The following BAIAP2 variants were observed in gnomAD, a reference collection of about 807,000 sequenced individuals.
BAIAP2 encodes BAR/IMD domain-containing adapter protein 2.
A neutral mutation model predicts 63.0 loss-of-function variants in BAIAP2; 18 were observed. That is an observed-to-expected ratio of 0.29 (90% CI 0.20 to 0.42). BAIAP2 has a LOEUF of 0.42. Among genes scored for constraint, BAIAP2 ranks in the 10% least tolerant of loss-of-function variants. BAIAP2 has a pLI of 1.00. For synonymous variants in BAIAP2, 386 were observed against 307.6 expected (o/e 1.25, Z -2.67); for missense variants, 610 against 734.3 (o/e 0.83, Z 1.96).
At chr17:81,055,168 C>T (rs889865948) in intron 2 of BAIAP2, among the ~76,000 whole-genome samples, 3 of 152,170 alleles carry the variant, frequency 2.0e-5, no homozygotes, top group Admixed American at 6.5e-5. Context: ...GTGTCAAGGA[C>T]GGGGCAGGAG....
intron 3 of BAIAP2, among the ~76,000 whole-genome samples, chr17:81,072,080 A>G (rs907399314): frequency 6.6e-5 from 10 of 152,016 alleles, no homozygotes; most frequent in African/African-American, 2.4e-4. Context: ...GCGCCCACGT[A>G]GGGCTGGGGT....
chr17:81,037,904 C>T (rs1201040879), intron 1 of BAIAP2, among the ~76,000 whole-genome samples: 1 of 152,260 alleles, frequency 6.6e-6, no homozygotes, highest in African/African-American at 2.4e-5. Flanking sequence ...CCGTAAGAAT[C>T]CGTAACGCAG....
chr17:81,074,801 G>C (rs2053384199), intron 3 of BAIAP2, among the ~76,000 whole-genome samples: 1 of 152,268 alleles, frequency 6.6e-6, no homozygotes, highest in Non-Finnish European at 1.5e-5. Flanking sequence ...TGCATGTACG[G>C]ATGCGTGTGA....
rs376540260 is a variant in BAIAP2, at chr17:81,109,704, C to T, written c.1535+1195C>T. The stretch of plus-strand genomic sequence containing the variant: ...CGGGCCAGGTGTACATAGAGCAGCG[C>T]GGCACAGTGGCCTCACCTCCCGTCG... On this transcript the variant is annotated intron_variant, in intron 13 of 13. Coordinates refer to ENST00000428708, the MANE Select transcript of BAIAP2 (RefSeq NM_001144888.2). The T allele has an allele frequency of 2.8e-3, 2,789 of 985,364 alleles. 20 individuals carry two copies. The South Asian group carries it at 0.034, about 12-fold the overall frequency. 61.0% of individuals were successfully genotyped at this position (985,364 alleles called of 1,614,324 possible).
chr17:81,085,495 G>T (rs1426812158), intron 4 of BAIAP2, 159 bp from the exon 5 acceptor site: 1 of 708,520 alleles, frequency 1.4e-6, no homozygotes, highest in Admixed American at 2.0e-5. Context: ...GTGCACACGG[G>T]CATGCGGGGC....
At chr17:81,092,077 C>T (rs1423164110) in intron 6 of BAIAP2, among the ~76,000 whole-genome samples, 5 of 152,240 alleles carry the variant, frequency 3.3e-5, no homozygotes, top group African/African-American at 1.2e-4. Flanking sequence ...CATGCTGTGT[C>T]ATTGTCAGAT....
In BAIAP2 at chr17:81,104,238, A is replaced by C. The variant is rs1285952574; in HGVS notation, c.1066+130A>C. ...CACAATTATGTGACCGTGTGTACCT[A>C]CATGCATGTGGTACACACACGTGTG... On this transcript the variant is annotated intron_variant, in intron 9 of 13. Transcript: ENST00000428708. 44 of 1,044,226 alleles carry C rather than the reference A, an allele frequency of 4.2e-5. 2 individuals are homozygous for C. The Middle Eastern group carries it at 9.4e-4, about 22-fold the overall frequency. The allele number at this position is 1,044,226 out of a possible 1,614,324, so 64.7% of individuals were successfully genotyped here. A position where few individuals can be genotyped will look rare whatever the true frequency, so the allele number is the denominator to read the frequency against.
At chr17:81,105,104 CCCCCCAGTGGCAGGGGTCTG>C (rs1568182028) in intron 10 of BAIAP2, 3 of 110,392 alleles carry the variant, frequency 2.7e-5, no homozygotes, top group African/African-American at 1.1e-4. Context: ...GCAGGGGTCT[CCCCCCAGTGGCAGGGGTCTG>C]CCCCATGGCA....
intron 3 of BAIAP2, among the ~76,000 whole-genome samples, chr17:81,062,011 C>A (rs369760557): frequency 6.6e-6 from 1 of 152,140 alleles, no homozygotes; most frequent in Non-Finnish European, 1.5e-5. Flanking sequence ...GGTGCAATCT[C>A]GGCTCACTGC....
chr17:81,093,091 GGGCTGGGCTGGGCT>G (rs1217662086), intron 6 of BAIAP2, among the ~76,000 whole-genome samples: 1 of 49,836 alleles, frequency 2.0e-5, no homozygotes, highest in Non-Finnish European at 4.9e-5. Flanking sequence ...GGGCTGGGCT[GGGCTGGGCTGGGCT>G]GGGCTGGGCT....
rs1048932555 is a variant in BAIAP2 at position 81,036,437 on chromosome 17, A to AG, written c.54+1131dup. On this transcript the variant is annotated intron_variant, in intron 1 of 13. Transcript: ENST00000428708. The stretch of plus-strand genomic sequence containing the variant: ...TGTTTCTGATTGTGGTAGGCGGCCA[A>AG]GGCGTGCCTGGCCAGGGGCCTGGGA... Among the ~76,000 whole-genome samples the AG allele has an allele frequency of 9.8e-5, 15 of 152,360 alleles. No individual in the cohort carries two copies. The South Asian group carries it at 2.5e-3, about 25-fold the overall frequency.
chr17:81,039,336 C>T (rs2046768422), intron 1 of BAIAP2, among the ~76,000 whole-genome samples: 1 of 152,378 alleles, frequency 6.6e-6, no homozygotes, highest in Admixed American at 6.5e-5. Context: ...AACCCTTCTG[C>T]TGGTGCTTGC....
At chr17:81,103,396 C>T (rs2058745869) in intron 7 of BAIAP2, 106 bp from the exon 8 acceptor site, 3 of 1,078,728 alleles carry the variant, frequency 2.8e-6, no homozygotes, top group Non-Finnish European at 4.0e-6. Flanking sequence ...TGGTGAAGAG[C>T]AGCCTCCAGC....
chr17:81,114,676 C>A (rs1418181954), intron 13 of BAIAP2, among the ~76,000 whole-genome samples: 1 of 152,226 alleles, frequency 6.6e-6, no homozygotes, highest in Non-Finnish European at 1.5e-5. Context: ...TCTTAGAAAA[C>A]ACAAAGTCCT....
intron 6 of BAIAP2, chr17:81,097,844 C>T (rs1027495005): frequency 3.0e-6 from 1 of 334,562 alleles, no homozygotes; most frequent in Non-Finnish European, 5.4e-6. Context: ...GGGTCTGTGC[C>T]TCGGGTGCTC....
intron 3 of BAIAP2, among the ~76,000 whole-genome samples, chr17:81,072,005 C>A (rs2052764455): frequency 6.6e-6 from 1 of 152,252 alleles, no homozygotes; most frequent in Non-Finnish European, 1.5e-5. Flanking sequence ...CTTCCGGCCT[C>A]CCCGGCCTTC....
chr17:81,047,115 G>C (rs527957453), intron 1 of BAIAP2, among the ~76,000 whole-genome samples: 4 of 152,356 alleles, frequency 2.6e-5, no homozygotes, highest in Admixed American at 1.3e-4. Flanking sequence ...GCCCTCCTGG[G>C]AGAGGCCAGG....
intron 3 of BAIAP2, among the ~76,000 whole-genome samples, chr17:81,073,804 G>T (rs961290050): frequency 2.0e-5 from 3 of 152,200 alleles, no homozygotes; most frequent in African/African-American, 4.8e-5. Context: ...CGAAGTGTGA[G>T]GGGCTCTTCT....
chr17:81,057,603 G>T, intron 2 of BAIAP2: 1 of 1,168,802 alleles, frequency 8.6e-7, no homozygotes, highest in Non-Finnish European at 1.1e-6. Context: ...ACGTGATAGG[G>T]ATCAGCTCTC....
Sources: gnomAD v4.1 joint callset for allele counts (sites outside exome capture counted in the v4.1 genomes callset) on GRCh38, gnomAD v4.1.1 for gene constraint, MANE v1.5 for transcripts, NCBI Gene and HGNC (gene_info 2026-07-23, HGNC 2026-07-21) for gene names.